The following SYTL5 variants were observed in gnomAD, a reference collection of about 807,000 sequenced individuals.
SYTL5 encodes synaptotagmin like 5.
SYTL5 carries 34 observed loss-of-function variants against 55.9 expected under a neutral mutation model. The observed-to-expected ratio is 0.61, with a 90% CI of 0.46 to 0.81. SYTL5 has a LOEUF of 0.81. Among genes scored for constraint, SYTL5 ranks in the 30% least tolerant of loss-of-function variants. The pLI, the probability that SYTL5 is intolerant of heterozygous loss-of-function variation, is 0.00. For missense variants in SYTL5, 637 were observed against 546.7 expected, an observed-to-expected ratio of 1.17 and a Z score of -1.65; for synonymous variants, 221 against 188.7, an observed-to-expected ratio of 1.17 and a Z score of -1.40.
chrX:38,037,805 G>A (rs1369354913), intron 2 of SYTL5, among the ~76,000 whole-genome samples: 2 of 109,434 alleles, frequency 1.8e-5, no homozygotes, highest in Admixed American at 9.8e-5. Context: ...TAGATAGATA[G>A]ATAGATAGAT....
chrX:37,994,691 A>AGAGGAGGAGGAG, the SYTL5 span: 1 of 108,119 alleles, frequency 9.2e-6, no homozygotes, highest in Admixed American at 1.0e-4. Flanking sequence ...CTGAGGAGGA[A>AGAGGAGGAGGAG]GAGGAGGAGG....
intron 13 of SYTL5, among the ~76,000 whole-genome samples, chrX:38,112,487 A>G (rs1372174739): frequency 8.9e-6 from 1 of 112,023 alleles, no homozygotes; most frequent in Non-Finnish European, 1.9e-5. Context: ...GAACTTCCTT[A>G]ATAAATCACT....
At chrX:37,986,157 C>T in the SYTL5 span, among the ~76,000 whole-genome samples, 1 of 110,906 alleles carries the variant, frequency 9.0e-6, no homozygotes, top group Admixed American at 9.6e-5. Context: ...ATAGATAAAT[C>T]GCACTTTATT....
At chrX:37,998,292 T>C in the SYTL5 span, among the ~76,000 whole-genome samples, 4 of 112,480 alleles carry the variant, frequency 3.6e-5, no homozygotes, top group African/African-American at 1.3e-4. Flanking sequence ...GCTCGCCATG[T>C]TGCAGGCAAA....
the SYTL5 span, among the ~76,000 whole-genome samples, chrX:37,966,400 A>G: frequency 9.9e-6 from 1 of 101,098 alleles, no homozygotes; most frequent in South Asian, 4.5e-4. Flanking sequence ...TGCTTCACAC[A>G]TTGTTATTAA....
chrX:38,108,130 A>G (rs1022387397), intron 11 of SYTL5, among the ~76,000 whole-genome samples: 4 of 112,417 alleles, frequency 3.6e-5, no homozygotes, highest in African/African-American at 1.3e-4. Flanking sequence ...CTAGTAATAG[A>G]GAAGCATCTA....
At chrX:37,943,424 A>G in the SYTL5 span, among the ~76,000 whole-genome samples, 4 of 111,464 alleles carry the variant, frequency 3.6e-5, no homozygotes, top group Non-Finnish European at 7.5e-5. Flanking sequence ...CTCTGACTCC[A>G]ATAAGGCCAA....
At chrX:38,086,063 C>T (rs1422882357) in intron 6 of SYTL5, among the ~76,000 whole-genome samples, 1 of 111,564 alleles carries the variant, frequency 9.0e-6, no homozygotes, top group African/African-American at 3.3e-5. Flanking sequence ...AAACCATAAC[C>T]GCTTGCAAAT....
At chrX:38,015,026 C>T (rs1312819909) in intron 1 of SYTL5, among the ~76,000 whole-genome samples, 1 of 111,705 alleles carries the variant, frequency 9.0e-6, no homozygotes, top group Non-Finnish European at 1.9e-5. Context: ...TTTTGGGGTC[C>T]AGAGATTTAT....
rs187894565 is a variant in SYTL5, at chrX:38,103,651, A to T, written c.1155+1217A>T. 1.8e-3 allele frequency among the ~76,000 whole-genome samples: 194 copies of T among 110,818 alleles called. 4 individuals are homozygous for T. Among genetic ancestry groups the T allele is most frequent in the African/African-American group, 6.3e-3 (191 of 30,525 alleles). On this transcript the variant is annotated intron_variant, in intron 10 of 16. Coordinates refer to ENST00000297875, the MANE Select transcript of SYTL5 (RefSeq NM_138780.3). Reference sequence around the variant, plus strand: ...ATACCAACAATTTTTGTGAGCCAGAATTTTCTCATTTGTAACATGAGTAGG... The same window carrying T: ...ATACCAACAATTTTTGTGAGCCAGATTTTTCTCATTTGTAACATGAGTAGG...
the SYTL5 span, among the ~76,000 whole-genome samples, chrX:37,907,169 A>G: frequency 8.9e-6 from 1 of 111,905 alleles, no homozygotes; most frequent in African/African-American, 3.3e-5. Flanking sequence ...GTCTTAATTC[A>G]CAACACAGAA....
At chrX:38,041,366 G>C (rs1326111930) in intron 2 of SYTL5, among the ~76,000 whole-genome samples, 1 of 112,093 alleles carries the variant, frequency 8.9e-6, no homozygotes. Context: ...CTACCACTAA[G>C]AGCAAAATTA....
the SYTL5 span, among the ~76,000 whole-genome samples, chrX:37,908,946 A>G: frequency 6.8e-4 from 76 of 111,694 alleles, no homozygotes; most frequent in African/African-American, 2.1e-3. Context: ...AGGCTGGTTT[A>G]CAGCATCTGA....
chrX:37,986,340 T>C, the SYTL5 span, among the ~76,000 whole-genome samples: 2 of 110,726 alleles, frequency 1.8e-5, no homozygotes, highest in Admixed American at 1.9e-4. Flanking sequence ...GGGGTCCACA[T>C]GAGAGGGTCG....
chrX:38,102,937 T>C, intron 10 of SYTL5: 3 of 650,144 alleles, frequency 4.6e-6, no homozygotes, highest in Non-Finnish European at 7.2e-6. Context: ...TCCTTGTATC[T>C]AACTGTGTGT....
Position 38,115,341 on chromosome X carries a change from G to A in SYTL5, c.1596+4859G>A, listed in dbSNP as rs943055829. 4.2e-4 allele frequency among the ~76,000 whole-genome samples: 43 copies of A among 103,584 alleles called. No homozygotes were observed. The East Asian group carries it at 0.011, about 26-fold the overall frequency. The allele number at this position is 103,584 out of a possible 115,157, so 90.0% of individuals were successfully genotyped here. On this transcript the variant is annotated intron_variant, in intron 13 of 16. Coordinates refer to ENST00000297875, the MANE Select transcript of SYTL5 (RefSeq NM_138780.3). ...CTACTAAAAATACAAAAAATTAGCCGGGCGTGGTAGCGGGCGCCTGTAGTC... is the reference window on the plus strand; with the variant it reads ...CTACTAAAAATACAAAAAATTAGCCAGGCGTGGTAGCGGGCGCCTGTAGTC...
intron 13 of SYTL5, among the ~76,000 whole-genome samples, chrX:38,110,718 A>C (rs1209802708): frequency 8.9e-6 from 1 of 112,074 alleles, no homozygotes; most frequent in Non-Finnish European, 1.9e-5. Flanking sequence ...TTTTTGTTAA[A>C]AATTTTTATT....
chrX:37,992,798 C>A, the SYTL5 span, among the ~76,000 whole-genome samples: 9 of 111,823 alleles, frequency 8.0e-5, no homozygotes, highest in Non-Finnish European at 1.3e-4. Context: ...TTTATGTAAG[C>A]AAAAGAGACT....
At chrX:37,891,388 A>C in the SYTL5 span, among the ~76,000 whole-genome samples, 3 of 112,242 alleles carry the variant, frequency 2.7e-5, no homozygotes, top group Non-Finnish European at 5.6e-5. Flanking sequence ...AAGATCACAC[A>C]TTGTTGATTC....
Sources: gnomAD v4.1 joint callset for allele counts (sites outside exome capture counted in the v4.1 genomes callset) on GRCh38, gnomAD v4.1.1 for gene constraint, MANE v1.5 for transcripts, NCBI Gene and HGNC (gene_info 2026-07-23, HGNC 2026-07-21) for gene names.